The following ADAM12 variants were observed in gnomAD, a reference collection of about 807,000 sequenced individuals.
ADAM12 encodes ADAM metallopeptidase domain 12.
ADAM12 carries 70 observed loss-of-function variants against 106.4 expected under a neutral mutation model. That is an observed-to-expected ratio of 0.66 (90% CI 0.54 to 0.80). ADAM12 has a LOEUF of 0.80. Among genes scored for constraint, ADAM12 ranks in the 30% least tolerant of loss-of-function variants. The probability of loss-of-function intolerance (pLI) is 0.00; values close to 1 mark genes in which losing one functional copy is unlikely to be tolerated. For synonymous variants in ADAM12, 420 were observed against 433.5 expected, an observed-to-expected ratio of 0.97 and a Z score of 0.39; for missense variants, 1,010 against 1,171.9, an observed-to-expected ratio of 0.86 and a Z score of 2.02.
At chr10:126,335,903 G>C (rs1030657190) in intron 1 of ADAM12, among the ~76,000 whole-genome samples, 3 of 152,038 alleles carry the variant, frequency 2.0e-5, no homozygotes, top group African/African-American at 7.3e-5. Context: ...CTAATCATGA[G>C]ATAAATTCCC....
At chr10:126,288,074 G>T (rs1462903825) in intron 2 of ADAM12, among the ~76,000 whole-genome samples, 1 of 152,018 alleles carries the variant, frequency 6.6e-6, no homozygotes, top group Non-Finnish European at 1.5e-5. Context: ...TATAACAGTG[G>T]CCTCCAGTCC....
At chr10:126,351,383 A>T (rs1386368001) in intron 1 of ADAM12, among the ~76,000 whole-genome samples, 1 of 152,166 alleles carries the variant, frequency 6.6e-6, no homozygotes, top group Non-Finnish European at 1.5e-5. Context: ...GGTGGTCACC[A>T]TCCTGCATGC....
chr10:126,347,508 G>A (rs1471610885), intron 1 of ADAM12, among the ~76,000 whole-genome samples: 1 of 152,096 alleles, frequency 6.6e-6, no homozygotes, highest in East Asian at 1.9e-4. Context: ...TCTTGGATTT[G>A]CTCTTCTTGA....
intron 3 of ADAM12, among the ~76,000 whole-genome samples, chr10:126,248,681 GTATGTATTTATTTATT>G (rs1263742075): frequency 6.3e-5 from 2 of 31,788 alleles, no homozygotes; most frequent in African/African-American, 3.8e-4. Flanking sequence ...ATGTATGTAT[GTATGTATTTATTTATT>G]TATTTATTTA....
intron 2 of ADAM12, among the ~76,000 whole-genome samples, chr10:126,294,481 G>T (rs1300619761): frequency 6.6e-6 from 1 of 152,138 alleles, no homozygotes; most frequent in Non-Finnish European, 1.5e-5. Flanking sequence ...GAAACTGCAG[G>T]ATTTCTCCCG....
At chr10:126,136,776 G>T (rs545820417) in intron 4 of ADAM12, among the ~76,000 whole-genome samples, 2 of 152,312 alleles carry the variant, frequency 1.3e-5, no homozygotes, top group African/African-American at 4.8e-5. Context: ...TCATCTAAAA[G>T]GCGATGAAAG....
At chr10:126,233,003 C>T (rs1432022295) in intron 3 of ADAM12, among the ~76,000 whole-genome samples, 1 of 152,016 alleles carries the variant, frequency 6.6e-6, no homozygotes, top group Non-Finnish European at 1.5e-5. Context: ...GTTTCTATTG[C>T]ATTTGGGGTG....
chr10:126,155,798 C>T (rs560019387), intron 3 of ADAM12, among the ~76,000 whole-genome samples: 1 of 152,206 alleles, frequency 6.6e-6, no homozygotes, highest in African/African-American at 2.4e-5. Context: ...GGTGAGAGAA[C>T]CGGCTGAAAA....
intron 11 of ADAM12, among the ~76,000 whole-genome samples, chr10:126,086,651 C>CAAAA (rs1171936921): frequency 1.7e-3 from 28 of 16,900 alleles, no homozygotes; most frequent in South Asian, 7.6e-3. Context: ...GACTCTGCCT[C>CAAAA]AAAAAAAAAA....
intron 2 of ADAM12, among the ~76,000 whole-genome samples, chr10:126,301,137 G>A (rs1960604005): frequency 6.6e-6 from 1 of 152,094 alleles, no homozygotes; most frequent in South Asian, 2.1e-4. Flanking sequence ...ACAATGCACA[G>A]GACAGTACCC....
At chr10:126,195,612 A>C (rs181560761) in intron 3 of ADAM12, among the ~76,000 whole-genome samples, 19 of 152,264 alleles carry the variant, frequency 1.2e-4, no homozygotes, top group Admixed American at 3.3e-4. Context: ...AAACCAACAT[A>C]CGTTAATTAG....
chr10:126,312,769 A>G (rs1227044148), intron 2 of ADAM12, among the ~76,000 whole-genome samples: 1 of 152,130 alleles, frequency 6.6e-6, no homozygotes, highest in Admixed American at 6.5e-5. Flanking sequence ...CTCTTGTTAG[A>G]CAATGGTGCC....
intron 1 of ADAM12, among the ~76,000 whole-genome samples, chr10:126,360,503 T>C (rs1396591355): frequency 6.6e-6 from 1 of 152,126 alleles, no homozygotes; most frequent in Admixed American, 6.5e-5. Context: ...GTTCCACAAA[T>C]CTCTAGGGCA....
intron 3 of ADAM12, among the ~76,000 whole-genome samples, chr10:126,195,600 A>C (rs1214218267): frequency 6.6e-6 from 1 of 152,164 alleles, no homozygotes; most frequent in Non-Finnish European, 1.5e-5. Flanking sequence ...GAACAAAAAC[A>C]AAAACCAACA....
intron 2 of ADAM12, among the ~76,000 whole-genome samples, chr10:126,329,512 T>G (rs1320182060): frequency 1.3e-5 from 2 of 152,216 alleles, no homozygotes. Flanking sequence ...CCTTGTATAT[T>G]CAATTTGCAA....
intron 3 of ADAM12, among the ~76,000 whole-genome samples, chr10:126,205,984 C>T (rs1176755816): frequency 6.6e-6 from 1 of 152,092 alleles, no homozygotes; most frequent in Admixed American, 6.6e-5. Context: ...ACATCATAGT[C>T]TAAAAATCTT....
chr10:126,382,284 T>C, intron 1 of ADAM12, among the ~76,000 whole-genome samples: 1 of 152,222 alleles, frequency 6.6e-6, no homozygotes, highest in East Asian at 1.9e-4. Context: ...AGCTAGGTGT[T>C]GCCTGTCCTA....
chr10:126,358,757 TA>T (rs1345790445), intron 1 of ADAM12, among the ~76,000 whole-genome samples: 1 of 152,074 alleles, frequency 6.6e-6, no homozygotes, highest in African/African-American at 2.4e-5. Flanking sequence ...AAAGATTCTC[TA>T]AAAAAACTGC....
At chr10:126,089,587 C>G (rs1053573003) in intron 11 of ADAM12, among the ~76,000 whole-genome samples, 2 of 152,180 alleles carry the variant, frequency 1.3e-5, no homozygotes, top group African/African-American at 4.8e-5. Context: ...AGATCATATT[C>G]CTATCTTGCC....
Sources: gnomAD v4.1 joint callset for allele counts (sites outside exome capture counted in the v4.1 genomes callset) on GRCh38, gnomAD v4.1.1 for gene constraint, MANE v1.5 for transcripts, NCBI Gene and HGNC (gene_info 2026-07-23, HGNC 2026-07-21) for gene names.